The following UCK2 variants were observed in gnomAD, a reference collection of about 807,000 sequenced individuals.
UCK2 encodes cytidine monophosphokinase 2.
Under a neutral mutation model 30.8 loss-of-function variants are expected in UCK2, and 6 were observed. The ratio of observed to expected loss-of-function variants is 0.19; its 90% confidence interval spans 0.11 to 0.38. The LOEUF is 0.38. UCK2 is among the 10% of genes least tolerant of loss of function. The pLI is 1.00. For synonymous variants in UCK2, 125 were observed against 133.6 expected (o/e 0.94, Z 0.45); for missense variants, 210 against 339.8 (o/e 0.62, Z 3.00).
intron 6 of UCK2, among the ~76,000 whole-genome samples, chr1:165,907,399 A>G (rs1479461668): frequency 2.0e-5 from 3 of 152,176 alleles, no homozygotes; most frequent in African/African-American, 4.8e-5. Flanking sequence ...TGCTTCATCC[A>G]GTGGTGACTG....
intron 4 of UCK2, among the ~76,000 whole-genome samples, chr1:165,899,022 C>CG (rs1309739430): frequency 3.9e-5 from 6 of 152,112 alleles, no homozygotes; most frequent in Admixed American, 2.0e-4. Flanking sequence ...TTGTGGAGTG[C>CG]GGGGGTGCTG....
In UCK2 at chr1:165,903,118, T is replaced by G. The variant is rs994180301; in HGVS notation, c.500-64T>G. 6.9e-6 allele frequency: 9 copies of G among 1,310,104 alleles called. No individual in the cohort carries two copies. In the African/African-American group the frequency reaches 1.0e-4, roughly 15 times the overall value. 81.2% of individuals were successfully genotyped at this position (1,310,104 alleles called of 1,614,324 possible). ...GCCTGTGGGAGCTAGGTCCACCCCATGAAGGGCGGGTGTGTGCTGGCTCCT... is the reference window on the plus strand; with the variant it reads ...GCCTGTGGGAGCTAGGTCCACCCCAGGAAGGGCGGGTGTGTGCTGGCTCCT... On this transcript the variant is annotated intron_variant, in intron 4 of 6. Coordinates refer to ENST00000367879, the MANE Select transcript of UCK2 (RefSeq NM_012474.5).
Position 165,827,848 on chromosome 1 carries a change from C to A in UCK2, c.15C>A (p.Ser5Arg). Reference sequence around the variant, plus strand: ...CGGCGCGAACCATGGCCGGGGACAGCGAGCAGACCCTGCAGAACCACCAGC... The same window carrying A: ...CGGCGCGAACCATGGCCGGGGACAGAGAGCAGACCCTGCAGAACCACCAGC... Reference protein sequence around the residue: MAGDSEQTLQNHQQP... With the variant: MAGDREQTLQNHQQP... The change falls in exon 1 of 7, where the codon AGC (serine) becomes AGA (arginine). Residue 5 changes from serine to arginine, a missense_variant. Coordinates refer to ENST00000367879, the MANE Select transcript of UCK2 (RefSeq NM_012474.5). 6.8e-7 allele frequency: 1 copy of A among 1,463,036 alleles called. No homozygotes were observed. Among genetic ancestry groups the A allele is most frequent in the South Asian group, 1.4e-5 (1 of 70,480 alleles). 90.6% of individuals were successfully genotyped at this position (1,463,036 alleles called of 1,614,324 possible). A position where few individuals can be genotyped will look rare whatever the true frequency, so the allele number is the denominator to read the frequency against.
intron 1 of UCK2, among the ~76,000 whole-genome samples, chr1:165,882,719 C>T (rs1477326969): frequency 6.6e-6 from 1 of 151,836 alleles, no homozygotes; most frequent in Non-Finnish European, 1.5e-5. Context: ...TCATAAGGGC[C>T]CTCATCACCT....
At chr1:165,880,568 TGTGTGTGTGTG>T (rs1160302290) in intron 1 of UCK2, among the ~76,000 whole-genome samples, 1 of 4,832 alleles carries the variant, frequency 2.1e-4, no homozygotes, top group Admixed American at 1.5e-3. Context: ...TTTTTGGGGG[TGTGTGTGTGTG>T]TGTGTGTGTG....
intron 5 of UCK2, among the ~76,000 whole-genome samples, chr1:165,904,920 CCTGA>C (rs1457440599): frequency 2.0e-5 from 3 of 152,190 alleles, no homozygotes; most frequent in African/African-American, 7.2e-5. Flanking sequence ...CTCTTTGTGG[CCTGA>C]CTTTCTTTCT....
At chr1:165,850,013 G>C (rs759704098) in intron 1 of UCK2, among the ~76,000 whole-genome samples, 2 of 152,212 alleles carry the variant, frequency 1.3e-5, no homozygotes, top group African/African-American at 4.8e-5. Context: ...CCCAGAAATG[G>C]TATGAAATAG....
chr1:165,886,490 T>C (rs1655616603), intron 1 of UCK2, among the ~76,000 whole-genome samples: 2 of 152,090 alleles, frequency 1.3e-5, no homozygotes, highest in African/African-American at 4.8e-5. Flanking sequence ...AGGTGGGGTC[T>C]CACAGTGTTG....
In UCK2 at chr1:165,896,158, G is replaced by T. The variant is rs199810610; in HGVS notation, c.357-32G>T. The T allele has an allele frequency of 1.9e-6, 3 of 1,613,078 alleles. No individual in the cohort carries two copies. In the African/African-American group the frequency reaches 4.0e-5, roughly 21 times the overall value. On this transcript the variant is annotated intron_variant, in intron 3 of 6. Coordinates refer to ENST00000367879, the MANE Select transcript of UCK2 (RefSeq NM_012474.5). ...TCTGTCCCTTGCTAGCCCCTGCCTGGCTTGGCCCATTATCTGCTCTGTGCT... is the reference window on the plus strand; with the variant it reads ...TCTGTCCCTTGCTAGCCCCTGCCTGTCTTGGCCCATTATCTGCTCTGTGCT...
intron 1 of UCK2, among the ~76,000 whole-genome samples, chr1:165,866,919 G>C (rs1655058988): frequency 6.6e-6 from 1 of 152,228 alleles, no homozygotes. Flanking sequence ...TTCACCTTTT[G>C]ACTGTTGTGA....
intron 1 of UCK2, among the ~76,000 whole-genome samples, chr1:165,888,303 CT>C (rs984833618): frequency 1.1e-4 from 17 of 150,604 alleles, no homozygotes; most frequent in Admixed American, 8.6e-4. Context: ...TCTCTTTTTT[CT>C]TTTTTTTTGA....
At chr1:165,848,284 A>G (rs1654500456) in intron 1 of UCK2, among the ~76,000 whole-genome samples, 1 of 152,148 alleles carries the variant, frequency 6.6e-6, no homozygotes, top group Non-Finnish European at 1.5e-5. Context: ...ACTGGTTTGT[A>G]CAAGCAGTCT....
intron 5 of UCK2, 89 bp downstream of exon 5, chr1:165,903,368 C>T: frequency 9.2e-7 from 1 of 1,081,194 alleles, no homozygotes; most frequent in South Asian, 1.4e-5. Context: ...TGGAGCTCCC[C>T]TGCCTGAATC....
chr1:165,829,861 A>T (rs1318838581), intron 1 of UCK2, among the ~76,000 whole-genome samples: 2 of 152,196 alleles, frequency 1.3e-5, no homozygotes, highest in African/African-American at 2.4e-5. Flanking sequence ...TTTATTTATT[A>T]ATTTAATTTT....
At chr1:165,848,951 G>A (rs1232295279) in intron 1 of UCK2, among the ~76,000 whole-genome samples, 2 of 152,028 alleles carry the variant, frequency 1.3e-5, no homozygotes, top group Non-Finnish European at 2.9e-5. Flanking sequence ...AAATTAATAT[G>A]ATTATGAAAA....
intron 5 of UCK2, among the ~76,000 whole-genome samples, chr1:165,904,416 G>A (rs1170082354): frequency 1.3e-5 from 2 of 152,162 alleles, no homozygotes; most frequent in Non-Finnish European, 2.9e-5. Flanking sequence ...AGAGACCAGA[G>A]GGGGCTGAGG....
chr1:165,864,974 A>C (rs976116891), intron 1 of UCK2, among the ~76,000 whole-genome samples: 13 of 152,206 alleles, frequency 8.5e-5, no homozygotes, highest in Admixed American at 8.5e-4. Context: ...GGTGTTAGCC[A>C]CTGTGTCTGG....
chr1:165,880,332 G>A (rs1315456110), intron 1 of UCK2, among the ~76,000 whole-genome samples: 1 of 152,130 alleles, frequency 6.6e-6, no homozygotes, highest in African/African-American at 2.4e-5. Flanking sequence ...GGTGGGTTTT[G>A]GTGTGTCACC....
intron 1 of UCK2, among the ~76,000 whole-genome samples, chr1:165,829,434 G>A (rs1653987048): frequency 6.6e-6 from 1 of 152,148 alleles, no homozygotes; most frequent in African/African-American, 2.4e-5. Flanking sequence ...GTTGTTCATG[G>A]CTGTTTTCCC....
Sources: allele counts gnomAD v4.1 joint callset (sites outside exome capture counted in the v4.1 genomes callset), GRCh38; gene constraint gnomAD v4.1.1; transcripts MANE v1.5; gene names NCBI Gene and HGNC (gene_info 2026-07-23, HGNC 2026-07-21).